The following CBR4 variants were observed in gnomAD, a reference collection of about 807,000 sequenced individuals.
CBR4 encodes 3-oxoacyl-[acyl-carrier-protein] reductase.
CBR4 carries 22 observed loss-of-function variants against 21.0 expected under a neutral mutation model. That is an observed-to-expected ratio of 1.05 (90% CI 0.75 to 1.50). The LOEUF (loss-of-function observed/expected upper bound fraction) is 1.50, where lower values mean the gene tolerates loss of function less well. Among genes scored for constraint, CBR4 ranks in the 40% most tolerant of loss-of-function variants. The pLI, the probability that CBR4 is intolerant of heterozygous loss-of-function variation, is 0.00. For synonymous variants in CBR4, 100 were observed against 104.4 expected, an observed-to-expected ratio of 0.96 and a Z score of 0.26; for missense variants, 302 against 286.3, an observed-to-expected ratio of 1.05 and a Z score of -0.40.
At chr4:168,998,881 A>C (rs1430146262) in intron 4 of CBR4, among the ~76,000 whole-genome samples, 2 of 152,152 alleles carry the variant, frequency 1.3e-5, no homozygotes, top group Non-Finnish European at 2.9e-5. Flanking sequence ...ATACAAAAGA[A>C]ACTTTGTAGT....
chr4:168,938,787 A>G (rs1383987898), intron 2 of CBR4, among the ~76,000 whole-genome samples: 1 of 152,206 alleles, frequency 6.6e-6, no homozygotes, highest in Non-Finnish European at 1.5e-5. Flanking sequence ...CAAGTTCTAA[A>G]GTTGAGGCAG....
At chr4:168,966,523 T>C (rs1001390551) in intron 2 of CBR4, among the ~76,000 whole-genome samples, 1 of 150,316 alleles carries the variant, frequency 6.7e-6, no homozygotes, top group African/African-American at 2.5e-5. Context: ...CGAGACTCCG[T>C]CTCAAAGAAA....
chr4:168,964,623 G>A (rs944145315), intron 2 of CBR4, among the ~76,000 whole-genome samples: 1 of 152,116 alleles, frequency 6.6e-6, no homozygotes, highest in East Asian at 1.9e-4. Flanking sequence ...CCAAACTGAA[G>A]TATAAACATT....
chr4:168,959,389 C>G (rs1411591661), intron 2 of CBR4, among the ~76,000 whole-genome samples: 1 of 152,110 alleles, frequency 6.6e-6, no homozygotes, highest in East Asian at 1.9e-4. Context: ...TTCCACTGAT[C>G]TATATATCTA....
chr4:168,973,416 C>G (rs1764272718), intron 2 of CBR4, among the ~76,000 whole-genome samples: 1 of 152,182 alleles, frequency 6.6e-6, no homozygotes, highest in South Asian at 2.1e-4. Flanking sequence ...CAACCTCCAC[C>G]TCCTGGATTC....
chr4:168,954,312 A>G (rs1763625244), intron 2 of CBR4, among the ~76,000 whole-genome samples: 1 of 152,190 alleles, frequency 6.6e-6, no homozygotes, highest in Non-Finnish European at 1.5e-5. Flanking sequence ...GTCTTAGTCC[A>G]TTTCCTGATA....
At chr4:168,970,887 T>C (rs1328238203) in intron 2 of CBR4, among the ~76,000 whole-genome samples, 2 of 152,138 alleles carry the variant, frequency 1.3e-5, no homozygotes, top group Non-Finnish European at 2.9e-5. Flanking sequence ...TTGATGGGCA[T>C]TTAGGCTGGT....
intron 2 of CBR4, among the ~76,000 whole-genome samples, chr4:168,930,021 A>G (rs1459686141): frequency 6.6e-6 from 1 of 152,226 alleles, no homozygotes; most frequent in East Asian, 1.9e-4. Flanking sequence ...GCAACAAAAC[A>G]CAACAGTATA....
chr4:168,937,851 C>A (rs1359726546), intron 2 of CBR4, among the ~76,000 whole-genome samples: 1 of 152,160 alleles, frequency 6.6e-6, no homozygotes, highest in South Asian at 2.1e-4. Context: ...TAGACTCCCA[C>A]ACAATAATAG....
Position 168,989,274 on chromosome 4 carries a change from G to T in CBR4, c.*876C>A, listed in dbSNP as rs557124168. On this transcript the variant is annotated 3_prime_UTR_variant, in exon 5 of 5. Coordinates refer to ENST00000306193, the MANE Select transcript of CBR4 (RefSeq NM_032783.5). ...TAGTTCACTATTCTAAGTTTTTCAT[G>T]AATAAAAAACACATCCTAAGTTCAT... 2 of 984,784 alleles carry T rather than the reference G, an allele frequency of 2.0e-6. No individual in the cohort carries two copies. Among genetic ancestry groups the T allele is most frequent in the Non-Finnish European group, 2.4e-6 (2 of 829,464 alleles). The allele number at this position is 984,784 out of a possible 1,614,324, so 61.0% of individuals were successfully genotyped here. A position where few individuals can be genotyped will look rare whatever the true frequency, so the allele number is the denominator to read the frequency against.
intron 2 of CBR4, chr4:168,926,955 A>G (rs1296140145): frequency 1.4e-5 from 3 of 219,576 alleles, no homozygotes; most frequent in Admixed American, 5.8e-5. Flanking sequence ...CTTAAATGTT[A>G]ATATCAAAAG....
rs191198814 is a variant in CBR4 at position 168,972,509 on chromosome 4, T to A, written n.169+29562A>T. Among the ~76,000 whole-genome samples the A allele has an allele frequency of 2.0e-4, 31 of 152,364 alleles. No homozygotes were observed. In the East Asian group the frequency reaches 5.6e-3, roughly 27 times the overall value. On this transcript the variant is annotated intron_variant and non_coding_transcript_variant, in intron 2 of 3. Coordinates refer to the CBR4 transcript ENST00000509108. ...GAGATCTTATACTTCCTTGGTTAGG[T>A]ATATTCCTAAATATTTTATTTTCTT...
intron 2 of CBR4, among the ~76,000 whole-genome samples, chr4:168,980,136 C>A (rs1179387203): frequency 2.0e-5 from 3 of 152,078 alleles, no homozygotes; most frequent in Non-Finnish European, 1.5e-5. Flanking sequence ...TCTGCTACCC[C>A]CAAGACGGAA....
chr4:168,952,778 T>A (rs1406958080), intron 2 of CBR4, among the ~76,000 whole-genome samples: 1 of 152,154 alleles, frequency 6.6e-6, no homozygotes, highest in South Asian at 2.1e-4. Flanking sequence ...TGTCTATGGG[T>A]CTCTCAGCCA....
chr4:168,968,483 C>G (rs929028924), intron 2 of CBR4, among the ~76,000 whole-genome samples: 1 of 152,190 alleles, frequency 6.6e-6, no homozygotes, highest in African/African-American at 2.4e-5. Context: ...AATGTGAACT[C>G]CTTCTGATTC....
chr4:168,961,249 T>TTTCATCCCTATGCCAAGTG (rs1270835804), intron 2 of CBR4, among the ~76,000 whole-genome samples: 6 of 152,324 alleles, frequency 3.9e-5, no homozygotes, highest in African/African-American at 1.4e-4. Flanking sequence ...AGTGCCAAGT[T>TTTCATCCCTATGCCAAGTG]TTCATCCCTA....
In CBR4 at chr4:168,913,939, T is replaced by C. The variant is rs368472947; in HGVS notation, n.170-19174A>G. 1.9e-6 allele frequency: 3 copies of C among 1,610,612 alleles called. No homozygotes were observed. The African/African-American group carries it at 4.0e-5, about 22-fold the overall frequency. Reference sequence around the variant, plus strand: ...GATATTTCTACAGGGCCGCATCAGTTGTACTGGACGGCTAATGGTACAGGC... The same window carrying C: ...GATATTTCTACAGGGCCGCATCAGTCGTACTGGACGGCTAATGGTACAGGC... On this transcript the variant is annotated intron_variant and non_coding_transcript_variant, in intron 2 of 3. Transcript: ENST00000509108.
chr4:168,960,924 G>A (rs1316547937), intron 2 of CBR4, among the ~76,000 whole-genome samples: 1 of 152,102 alleles, frequency 6.6e-6, no homozygotes, highest in Non-Finnish European at 1.5e-5. Context: ...GTTTCCGGTC[G>A]AAATTATTAG....
chr4:168,922,669 G>A (rs1307521381), intron 2 of CBR4, among the ~76,000 whole-genome samples: 1 of 152,190 alleles, frequency 6.6e-6, no homozygotes, highest in African/African-American at 2.4e-5. Context: ...ACATAAAAAT[G>A]TGGTAAATAT....
Sources: gnomAD v4.1 joint callset for allele counts (sites outside exome capture counted in the v4.1 genomes callset) on GRCh38, gnomAD v4.1.1 for gene constraint, MANE v1.5 for transcripts, NCBI Gene and HGNC (gene_info 2026-07-23, HGNC 2026-07-21) for gene names.